Variants in RUBCN observed in about 807,000 individuals in gnomAD.
The protein encoded by RUBCN is rubicon autophagy regulator, also known as run domain Beclin-1-interacting and cysteine-rich domain-containing protein.
Under a neutral mutation model 113.2 loss-of-function variants are expected in RUBCN, and 74 were observed. The ratio of observed to expected loss-of-function variants is 0.65; its 90% CI spans 0.54 to 0.79. The LOEUF (loss-of-function observed/expected upper bound fraction) is 0.79. RUBCN is among the 30% of genes least tolerant of loss of function. The pLI, the probability that RUBCN is intolerant of heterozygous loss-of-function variation, is 0.00. For missense variants in RUBCN, 1,109 were observed against 1,251.7 expected (o/e 0.89, Z 1.72); for synonymous variants, 480 against 490.0 (o/e 0.98, Z 0.27).
chr3:197,690,547 C>A (rs1722315411), intron 11 of RUBCN, among the ~76,000 whole-genome samples: 1 of 151,186 alleles, frequency 6.6e-6, no homozygotes, highest in Admixed American at 6.6e-5. Context: ...AGGAAACCTA[C>A]TTATTTGGAT....
chr3:197,698,357 C>A (rs750882736), intron 7 of RUBCN, among the ~76,000 whole-genome samples: 5 of 152,374 alleles, frequency 3.3e-5, no homozygotes, highest in African/African-American at 1.2e-4. Context: ...TCTCTCAATA[C>A]TCTGCCTTGC....
intron 11 of RUBCN, among the ~76,000 whole-genome samples, chr3:197,684,450 G>A (rs1163659397): frequency 2.0e-5 from 3 of 152,126 alleles, no homozygotes; most frequent in Non-Finnish European, 4.4e-5. Context: ...AGGTCAAAGT[G>A]TTACAAACTC....
At chr3:197,720,682 C>T (rs1726050877) in intron 1 of RUBCN, among the ~76,000 whole-genome samples, 1 of 152,138 alleles carries the variant, frequency 6.6e-6, no homozygotes, top group Non-Finnish European at 1.5e-5. Flanking sequence ...GCTGGGATTA[C>T]AGGAGTGAGC....
In RUBCN at chr3:197,718,114, A is replaced by G; in HGVS notation, c.82T>C (p.Leu28=). Residue 28 remains leucine (L), a synonymous_variant, in exon 2 of 20, where the codon TTG becomes CTG. Transcript: ENST00000296343. ...ACCGTCGTCTTCAAATTACCCAGCA[A>G]CTGCCAGTGCTCCCTCCTGCAAGGG... is the stretch of plus-strand genomic sequence containing the variant. ...PEESRREHWQ[L]LGNLKTTVEG... 1 of 1,614,150 alleles carries G rather than the reference A, an allele frequency of 6.2e-7. No individual in the cohort carries two copies. The highest frequency in any genetic ancestry group is 8.5e-7 in the Non-Finnish European group (1 of 1,180,032).
At chr3:197,739,077 A>T (rs1373129280), upstream of RUBCN, among the ~76,000 whole-genome samples, 1 of 151,158 alleles carries the variant, frequency 6.6e-6, no homozygotes, top group Non-Finnish European at 1.5e-5. Flanking sequence ...AGCAGCTGGG[A>T]TTACAGGCAT....
At chr3:197,729,927 G>A (rs1000399367) in intron 1 of RUBCN, among the ~76,000 whole-genome samples, 2 of 151,182 alleles carry the variant, frequency 1.3e-5, no homozygotes, top group Admixed American at 6.6e-5. Context: ...TAGTAGCAGG[G>A]TGAGCTGGGA....
intron 7 of RUBCN, among the ~76,000 whole-genome samples, chr3:197,699,722 G>A (rs900543643): frequency 6.6e-6 from 1 of 152,218 alleles, no homozygotes; most frequent in Non-Finnish European, 1.5e-5. Context: ...GGTTTCAGAT[G>A]AGGGCCTTAG....
chr3:197,682,956 C>A (rs1721420114), intron 13 of RUBCN, among the ~76,000 whole-genome samples: 3 of 152,214 alleles, frequency 2.0e-5, no homozygotes, highest in Admixed American at 6.5e-5. Flanking sequence ...TGCACCCATC[C>A]CAGGACCCTT....
In RUBCN at chr3:197,686,483, C is replaced by A. The variant is rs539951645; in HGVS notation, c.1787-2266G>T. Among the ~76,000 whole-genome samples the A allele has an allele frequency of 3.3e-5, 5 of 152,316 alleles. No homozygotes were observed. In the South Asian group the frequency reaches 1.0e-3, roughly 32 times the overall value. On this transcript the variant is annotated intron_variant, in intron 11 of 19. Transcript: ENST00000296343. Reference sequence around the variant, plus strand: ...AGCACACTCGTCAAAGGGGCCATGACCCCTGACCCCGGCCAAGGACCACGC... The same window carrying A: ...AGCACACTCGTCAAAGGGGCCATGAACCCTGACCCCGGCCAAGGACCACGC...
intron 1 of RUBCN, among the ~76,000 whole-genome samples, chr3:197,749,118 G>C (rs1012861649): frequency 1.3e-5 from 2 of 152,260 alleles, no homozygotes; most frequent in African/African-American, 4.8e-5. Flanking sequence ...AATACCGTAT[G>C]TTGTAAACGG....
At position 197,682,737 on chromosome 3, in the gene RUBCN, C is replaced by T. The variant is rs116710037; in HGVS notation, c.1981-122G>A. Reference sequence around the variant, plus strand: ...CACAGTTGGGGTAAGTTCACACGGACGGGCTTGAGAAACAGAAATGCGGGA... The same window carrying T: ...CACAGTTGGGGTAAGTTCACACGGATGGGCTTGAGAAACAGAAATGCGGGA... On this transcript the variant is annotated intron_variant, in intron 13 of 19. Coordinates refer to ENST00000296343, the MANE Select transcript of RUBCN (RefSeq NM_014687.4). 9,089 of 1,314,452 alleles carry T rather than the reference C, an allele frequency of 6.9e-3. 78 individuals carry two copies. The highest frequency in any genetic ancestry group is 0.027 in the African/African-American group (1,815 of 68,462). 81.4% of individuals were successfully genotyped at this position (1,314,452 alleles called of 1,614,324 possible).
chr3:197,676,590 G>A lies in RUBCN; in HGVS notation c.2646+295C>T, dbSNP rs553121283. ...GGCCTCCCAAATTGCTGGGATGAGA[G>A]GCCTAAGCCACCGTGCCTGGCCAAC... is the stretch of plus-strand genomic sequence containing the variant. On this transcript the variant is annotated intron_variant, in intron 18 of 19. Coordinates refer to ENST00000296343, the MANE Select transcript of RUBCN (RefSeq NM_014687.4). 146 of 1,270,684 alleles carry A rather than the reference G, an allele frequency of 1.1e-4. 4 individuals carry two copies. In the East Asian group the frequency reaches 4.0e-3, roughly 35 times the overall value. 78.7% of individuals were successfully genotyped at this position (1,270,684 alleles called of 1,614,324 possible).
At chr3:197,736,462 A>T (rs1728135246) in intron 1 of RUBCN, among the ~76,000 whole-genome samples, 193 bp downstream of exon 1, 1 of 142,826 alleles carries the variant, frequency 7.0e-6, no homozygotes, top group Non-Finnish European at 1.5e-5. Context: ...CCTCACCCTA[A>T]GCCGGTTCCT....
intron 1 of RUBCN, among the ~76,000 whole-genome samples, chr3:197,721,553 G>A (rs929543184): frequency 6.6e-6 from 1 of 151,808 alleles, no homozygotes; most frequent in African/African-American, 2.4e-5. Flanking sequence ...CAACTCTTTT[G>A]TTAATCTTTT....
chr3:197,730,974 A>C (rs921393544), intron 1 of RUBCN, among the ~76,000 whole-genome samples: 3 of 122,810 alleles, frequency 2.4e-5, no homozygotes, highest in East Asian at 2.6e-4. Flanking sequence ...GGGCATTATT[A>C]TGTGTTAACT....
intron 1 of RUBCN, among the ~76,000 whole-genome samples, chr3:197,747,388 A>G (rs1728792209): frequency 6.7e-6 from 1 of 148,728 alleles, no homozygotes; most frequent in African/African-American, 2.5e-5. Context: ...ATAAAAGAGA[A>G]TCTTTTTTTT....
intron 16 of RUBCN, among the ~76,000 whole-genome samples, chr3:197,680,507 G>A (rs1256246933): frequency 6.6e-6 from 1 of 150,756 alleles, no homozygotes; most frequent in Non-Finnish European, 1.5e-5. Flanking sequence ...TCGACAAGTG[G>A]CTTCAGACTG....
chr3:197,722,836 A>T (rs141219718), intron 1 of RUBCN, among the ~76,000 whole-genome samples: 1 of 152,104 alleles, frequency 6.6e-6, no homozygotes, highest in East Asian at 1.9e-4. Flanking sequence ...CTTTAAGTCT[A>T]TGTATGTCCT....
At chr3:197,686,852 G>A (rs750304525) in intron 11 of RUBCN, among the ~76,000 whole-genome samples, 41 of 152,224 alleles carry the variant, frequency 2.7e-4, no homozygotes, top group Non-Finnish European at 1.9e-4. Context: ...ATTAGGTTGA[G>A]TCATCGCAGT....
Sources: allele counts gnomAD v4.1 joint callset (sites outside exome capture counted in the v4.1 genomes callset), GRCh38; gene constraint gnomAD v4.1.1; transcripts MANE v1.5; gene names NCBI Gene and HGNC (gene_info 2026-07-23, HGNC 2026-07-21).